Variants in EPHA5 observed in about 807,000 individuals in gnomAD.
EPHA5 encodes ephrin type-A receptor 5.
In EPHA5, 60 loss-of-function variants were observed where a neutral mutation model predicts 105.0. The observed-to-expected ratio is 0.57, with a 90% CI of 0.46 to 0.71. The LOEUF is 0.71. Among genes scored for constraint, EPHA5 ranks in the 30% least tolerant of loss-of-function variants. The probability of loss-of-function intolerance (pLI) is 0.00; values close to 1 mark genes in which losing one functional copy is unlikely to be tolerated. For synonymous variants in EPHA5, 513 were observed against 449.1 expected (o/e 1.14, Z -1.80); for missense variants, 1,218 against 1,274.7 (o/e 0.96, Z 0.68).
At chr4:65,416,500 G>A (rs958705910) in intron 6 of EPHA5, among the ~76,000 whole-genome samples, 9 of 86,808 alleles carry the variant, frequency 1.0e-4, no homozygotes, top group South Asian at 6.3e-4. Context: ...AGTAAAAAAC[G>A]AAACAATTTT....
chr4:65,360,842 C>A (rs751270931), intron 11 of EPHA5, among the ~76,000 whole-genome samples: 13 of 150,934 alleles, frequency 8.6e-5, no homozygotes, highest in African/African-American at 3.2e-4. Context: ...TTTTAATTAC[C>A]TAATGTGTCT....
At chr4:65,388,316 C>T (rs1720338556) in intron 8 of EPHA5, among the ~76,000 whole-genome samples, 1 of 151,944 alleles carries the variant, frequency 6.6e-6, no homozygotes, top group South Asian at 2.1e-4. Context: ...GTTTTATAAT[C>T]CTTTGGGTAT....
chr4:65,521,361 C>A (rs1396637824), intron 3 of EPHA5, among the ~76,000 whole-genome samples: 1 of 151,942 alleles, frequency 6.6e-6, no homozygotes, highest in Non-Finnish European at 1.5e-5. Context: ...ACATCACACA[C>A]CAGAGCCTGT....
Position 65,323,805 on chromosome 4 carries a change from A to G in EPHA5, c.*309T>C. The G allele has an allele frequency of 4.0e-6, 1 of 251,644 alleles. No homozygotes were observed. Among genetic ancestry groups the G allele is most frequent in the Non-Finnish European group, 7.7e-6 (1 of 129,612 alleles). The allele number at this position is 251,644 out of a possible 1,614,324, so 15.6% of individuals were successfully genotyped here. ...ATTCAGTCTATAAAAGTGCTATATAATTATATATTTCATGTACAAAATTTT... is the reference window on the plus strand; with the variant it reads ...ATTCAGTCTATAAAAGTGCTATATAGTTATATATTTCATGTACAAAATTTT... On this transcript the variant is annotated 3_prime_UTR_variant, in exon 17 of 17. Transcript: ENST00000613740.
At chr4:65,349,547 C>G (rs1427648440) in intron 13 of EPHA5, among the ~76,000 whole-genome samples, 2 of 151,770 alleles carry the variant, frequency 1.3e-5, no homozygotes, top group Non-Finnish European at 2.9e-5. Flanking sequence ...TCCCATTTTG[C>G]AGGAAGGGAA....
At chr4:65,626,694 A>C (rs1746190844) in intron 2 of EPHA5, among the ~76,000 whole-genome samples, 1 of 152,228 alleles carries the variant, frequency 6.6e-6, no homozygotes, top group South Asian at 2.1e-4. Context: ...GACGATCTAC[A>C]TGCTCACATG....
chr4:65,665,417 C>T (rs2149559211), intron 1 of EPHA5, among the ~76,000 whole-genome samples: 1 of 151,974 alleles, frequency 6.6e-6, no homozygotes, highest in Non-Finnish European at 1.5e-5. Context: ...GAAATGTTTG[C>T]TATAAACAGC....
chr4:65,478,885 T>C (rs1730087777), intron 5 of EPHA5, among the ~76,000 whole-genome samples: 1 of 152,206 alleles, frequency 6.6e-6, no homozygotes, highest in African/African-American at 2.4e-5. Context: ...ATTAAAAATA[T>C]AGTTCCCATT....
chr4:65,642,891 A>G (rs994081127), intron 2 of EPHA5, among the ~76,000 whole-genome samples: 1 of 152,030 alleles, frequency 6.6e-6, no homozygotes, highest in African/African-American at 2.4e-5. Context: ...GGAATTTCTT[A>G]TAATATTTTT....
intron 1 of EPHA5, among the ~76,000 whole-genome samples, chr4:65,644,595 G>C (rs1219968519): frequency 6.6e-6 from 1 of 151,982 alleles, no homozygotes; most frequent in East Asian, 1.9e-4. Context: ...GATAGGCTGG[G>C]ATGTGTTTTA....
At chr4:65,638,947 C>T (rs1578657432) in intron 2 of EPHA5, among the ~76,000 whole-genome samples, 1 of 152,150 alleles carries the variant, frequency 6.6e-6, no homozygotes, top group African/African-American at 2.4e-5. Flanking sequence ...TGTTAATATG[C>T]AAATCATACT....
intron 5 of EPHA5, among the ~76,000 whole-genome samples, chr4:65,488,429 TC>T (rs112085103): frequency 0.16 from 24,144 of 152,152 alleles, 2,091 homozygotes; most frequent in Middle Eastern, 0.27. Context: ...GAAAGATGTT[TC>T]GTAAGAAGGC....
At chr4:65,418,265 G>T (rs1023550226) in intron 6 of EPHA5, among the ~76,000 whole-genome samples, 1 of 152,056 alleles carries the variant, frequency 6.6e-6, no homozygotes, top group Non-Finnish European at 1.5e-5. Flanking sequence ...AGTAACAAAG[G>T]TTACAAAAAC....
At chr4:65,547,790 G>A (rs1737526155) in intron 3 of EPHA5, among the ~76,000 whole-genome samples, 1 of 151,920 alleles carries the variant, frequency 6.6e-6, no homozygotes, top group South Asian at 2.1e-4. Flanking sequence ...TCAATGACAG[G>A]GGCTGGAGGG....
intron 14 of EPHA5, among the ~76,000 whole-genome samples, chr4:65,343,157 C>A (rs73822114): frequency 0.018 from 2,668 of 152,102 alleles, 79 homozygotes; most frequent in African/African-American, 0.061. Context: ...AAAATGAAAT[C>A]TTTAGTTTTT....
At chr4:65,600,708 T>A (rs1217041041) in intron 3 of EPHA5, among the ~76,000 whole-genome samples, 1 of 152,150 alleles carries the variant, frequency 6.6e-6, no homozygotes, top group Admixed American at 6.6e-5. Flanking sequence ...TTTCATTACC[T>A]AGTTAGTACA....
chr4:65,503,493 A>C (rs1193347101), intron 3 of EPHA5, among the ~76,000 whole-genome samples: 1 of 151,826 alleles, frequency 6.6e-6, no homozygotes, highest in Non-Finnish European at 1.5e-5. Context: ...CAATAAGGCT[A>C]ATTGTAACAT....
At chr4:65,634,845 G>A (rs776329444) in intron 2 of EPHA5, among the ~76,000 whole-genome samples, 24 of 151,790 alleles carry the variant, frequency 1.6e-4, no homozygotes, top group Non-Finnish European at 3.2e-4. Flanking sequence ...CTTTCAGTAG[G>A]AAGCAAAGCC....
intron 3 of EPHA5, among the ~76,000 whole-genome samples, chr4:65,582,963 G>A (rs962034973): frequency 1.3e-5 from 2 of 151,478 alleles, no homozygotes; most frequent in African/African-American, 2.4e-5. Context: ...AATAAGAGGA[G>A]GAGAAATATA....
Sources: allele counts gnomAD v4.1 joint callset (sites outside exome capture counted in the v4.1 genomes callset), GRCh38; gene constraint gnomAD v4.1.1; transcripts MANE v1.5; gene names NCBI Gene and HGNC (gene_info 2026-07-23, HGNC 2026-07-21).